UNC80: variants seen among roughly 807,000 people sequenced by gnomAD.
UNC80 encodes the protein unc-80 subunit of NALCN channel complex, also known as protein unc-80 homolog.
A neutral mutation model predicts 384.6 loss-of-function variants in UNC80; 164 were observed. The ratio of observed to expected loss-of-function variants is 0.43; its 90% CI spans 0.38 to 0.49. The LOEUF (loss-of-function observed/expected upper bound fraction) is 0.49, where lower values mean the gene tolerates loss of function less well. Among genes scored for constraint, UNC80 ranks in the 20% least tolerant of loss-of-function variants. UNC80 has a pLI of 0.00. For synonymous variants in UNC80, 1,486 were observed against 1,527.8 expected (o/e 0.97, Z 0.64); for missense variants, 3,330 against 4,143.0 (o/e 0.80, Z 5.39).
At chr2:209,814,538 G>A (rs1026839425) in intron 8 of UNC80, among the ~76,000 whole-genome samples, 2 of 152,082 alleles carry the variant, frequency 1.3e-5, no homozygotes, top group African/African-American at 2.4e-5. Flanking sequence ...GAGCCACCGC[G>A]CCTGGCCAAC....
chr2:209,829,000 G>A lies in UNC80; in HGVS notation c.2479-232G>A, dbSNP rs546927080. 5.7e-4 allele frequency among the ~76,000 whole-genome samples: 86 copies of A among 152,134 alleles called. 2 individuals are homozygous for A. The highest frequency in any genetic ancestry group is 5.0e-3 in the Admixed American group (76 of 15,272). On this transcript the variant is annotated intron_variant, in intron 14 of 64. Transcript: ENST00000673920. ...GACCAGCATTAGACCTTAGCTTTGA[G>A]CTTTGGGGTTTTTCCTATGGAGCAG... is the stretch of plus-strand genomic sequence containing the variant.
intron 7 of UNC80, chr2:209,795,984 A>C (rs1263903261): frequency 1.3e-5 from 2 of 152,174 alleles, no homozygotes; most frequent in Non-Finnish European, 2.9e-5. Context: ...TGTCCTCCAG[A>C]CCCCAGAATG....
intron 26 of UNC80, among the ~76,000 whole-genome samples, chr2:209,893,341 AG>A (rs756252882): frequency 6.6e-6 from 1 of 152,272 alleles, no homozygotes; most frequent in Non-Finnish European, 1.5e-5. Flanking sequence ...TTGAAAAGGA[AG>A]GAGGTGTGTA....
At chr2:209,777,191 ATTGT>A in intron 3 of UNC80, 63 bp from the exon 4 acceptor site, 1 of 1,471,232 alleles carries the variant, frequency 6.8e-7, no homozygotes, top group Non-Finnish European at 9.1e-7. Flanking sequence ...TCCCAGACCC[ATTGT>A]TGACATCTAT....
intron 25 of UNC80, among the ~76,000 whole-genome samples, chr2:209,884,102 T>G (rs370705488): frequency 1.7e-4 from 26 of 152,316 alleles, no homozygotes; most frequent in African/African-American, 5.8e-4. Context: ...GGGCAGCATT[T>G]TTATAAGATT....
chr2:209,819,285 C>T, intron 12 of UNC80, 24 bp downstream of exon 12: 1 of 1,537,948 alleles, frequency 6.5e-7, no homozygotes, highest in African/African-American at 1.4e-5. Context: ...ATTTTTCTTA[C>T]CAAAGTTAGA....
At chr2:209,842,575 A>G (rs1559182087) in intron 21 of UNC80, 129 bp downstream of exon 21, 1 of 692,194 alleles carries the variant, frequency 1.4e-6, no homozygotes, top group Non-Finnish European at 2.4e-6. Flanking sequence ...CATGCCTTTT[A>G]CCACTGTCTA....
chr2:209,832,480 C>T (rs138881857), intron 16 of UNC80, among the ~76,000 whole-genome samples: 7 of 152,208 alleles, frequency 4.6e-5, no homozygotes, highest in East Asian at 3.9e-4. Flanking sequence ...GACTCCTATG[C>T]GGAAATCATT....
chr2:209,789,509 T>C, intron 5 of UNC80, 23 bp from the exon 6 acceptor site: 2 of 1,572,270 alleles, frequency 1.3e-6, no homozygotes, highest in Non-Finnish European at 1.7e-6. Flanking sequence ...TACAAAACGA[T>C]GGAACTTCTT....
intron 6 of UNC80, among the ~76,000 whole-genome samples, chr2:209,791,272 G>A (rs1283581820): frequency 4.0e-5 from 6 of 151,882 alleles, no homozygotes; most frequent in African/African-American, 1.5e-4. Flanking sequence ...TCCACATAAG[G>A]CATTTTATGC....
At position 209,817,131 on chromosome 2, in the gene UNC80, C is replaced by G. The variant is rs1228516525; in HGVS notation, c.1552+6C>G. ...CTGGCAAACCACCATTTTAGGTGACCACAAGGCCTTCCAAAATAGGGCAGA... is the reference window on the plus strand; with the variant it reads ...CTGGCAAACCACCATTTTAGGTGACGACAAGGCCTTCCAAAATAGGGCAGA... On this transcript the variant is annotated splice_donor_region_variant and intron_variant, in intron 10 of 64. Coordinates refer to ENST00000673920, the MANE Select transcript of UNC80 (RefSeq NM_001371986.1). The G allele has an allele frequency of 5.2e-6, 8 of 1,550,864 alleles. No homozygotes were observed. The highest frequency in any genetic ancestry group is 7.0e-6 in the Non-Finnish European group (8 of 1,146,836).
chr2:209,797,170 A>G (rs2078214819), intron 7 of UNC80, among the ~76,000 whole-genome samples: 1 of 152,160 alleles, frequency 6.6e-6, no homozygotes, highest in South Asian at 2.1e-4. Context: ...TTGTATTGTT[A>G]AACAATATTC....
chr2:209,814,113 A>C (rs1170586332), intron 8 of UNC80, among the ~76,000 whole-genome samples: 1 of 152,236 alleles, frequency 6.6e-6, no homozygotes, highest in Non-Finnish European at 1.5e-5. Context: ...TCTTCTGGAT[A>C]ATCAAAGTAG....
intron 35 of UNC80, 47 bp from the exon 36 acceptor site, chr2:209,926,796 G>A: frequency 6.5e-7 from 1 of 1,547,614 alleles, no homozygotes; most frequent in Non-Finnish European, 8.7e-7. Context: ...TAGCAACAAA[G>A]AATTACGTTA....
intron 30 of UNC80, among the ~76,000 whole-genome samples, chr2:209,913,209 T>TC (rs1166041731): frequency 6.6e-6 from 1 of 152,166 alleles, no homozygotes; most frequent in East Asian, 1.9e-4. Context: ...CATTATGTTC[T>TC]CCCCCCCAAA....
intron 7 of UNC80, among the ~76,000 whole-genome samples, chr2:209,811,019 C>CT (rs2079311172): frequency 6.6e-6 from 1 of 151,976 alleles, no homozygotes; most frequent in Admixed American, 6.6e-5. Flanking sequence ...CGTCATTCAT[C>CT]TTTAAGAAGG....
In UNC80 at chr2:209,982,276, G is replaced by A; in HGVS notation, c.9216G>A (p.Met3072Ile). 6.4e-7 allele frequency: 1 copy of A among 1,551,634 alleles called. No individual in the cohort carries two copies. The highest frequency in any genetic ancestry group is 8.7e-7 in the Non-Finnish European group (1 of 1,146,978). Residue 3072 changes from methionine to isoleucine, a missense_variant, in exon 60 of 65, where the codon ATG becomes ATA. By Grantham distance (10) the Met-to-Ile change is conservative (BLOSUM62 1). This residue lies in a region of UNC80 where 216 missense variants were observed against 245.3 expected (regional missense o/e 0.88). Coordinates refer to ENST00000673920, the MANE Select transcript of UNC80 (RefSeq NM_001371986.1). The part of the protein sequence containing the change: ...RRRFSSHVSS[M>I]SVPQAEVGML... ...GATTCTCCAGCCATGTCTCCAGCAT[G>A]TCTGTACCTCAGGCTGAGGTGGGCA...
chr2:209,867,307 T>A (rs1302797839), intron 22 of UNC80, among the ~76,000 whole-genome samples: 1 of 152,190 alleles, frequency 6.6e-6, no homozygotes, highest in Non-Finnish European at 1.5e-5. Context: ...ATATGAAGGT[T>A]TGAGAAGTGC....
chr2:209,852,640 C>T (rs992094054), intron 22 of UNC80, among the ~76,000 whole-genome samples: 4 of 152,018 alleles, frequency 2.6e-5, no homozygotes, highest in African/African-American at 4.8e-5. Context: ...AGCTATATGT[C>T]GTACGTGCTT....
Sources: allele counts gnomAD v4.1 joint callset (sites outside exome capture counted in the v4.1 genomes callset), GRCh38; gene constraint gnomAD v4.1.1; regional missense constraint gnomAD v4.1.1; transcripts MANE v1.5; gene names NCBI Gene and HGNC (gene_info 2026-07-23, HGNC 2026-07-21).